The following KIRREL3 variants were observed in gnomAD, a reference collection of about 807,000 sequenced individuals.
The protein encoded by KIRREL3 is kin of IRRE-like protein 3.
In KIRREL3, 36 loss-of-function variants were observed where a neutral mutation model predicts 89.7. That is an observed-to-expected ratio of 0.40 (90% CI 0.31 to 0.53). The LOEUF (loss-of-function observed/expected upper bound fraction) is 0.53. KIRREL3 is among the 20% of genes least tolerant of loss of function. KIRREL3 has a pLI of 0.49. For missense variants in KIRREL3, 864 were observed against 1,056.6 expected, an observed-to-expected ratio of 0.82 and a Z score of 2.53; for synonymous variants, 445 against 441.4, an observed-to-expected ratio of 1.01 and a Z score of -0.10.
Position 126,571,176 on chromosome 11 carries a change from C to G in KIRREL3, c.56-8264G>C, listed in dbSNP as rs558486601. Among the ~76,000 whole-genome samples, 1 of 152,334 alleles carries G rather than the reference C, an allele frequency of 6.6e-6. No homozygotes were observed. Among genetic ancestry groups the G allele is most frequent in the South Asian group, 2.1e-4 (1 of 4,826 alleles). Reference sequence around the variant, plus strand: ...TCGGAGTCTCAGCCCTTTGGGCTGGCTTTTTGATACCTTGCCTAGCTCTTA... The same window carrying G: ...TCGGAGTCTCAGCCCTTTGGGCTGGGTTTTTGATACCTTGCCTAGCTCTTA... On this transcript the variant is annotated intron_variant, in intron 1 of 16. Transcript: ENST00000525144. The surrounding 1 kb of genome is among the most constrained non-coding windows in gnomAD (Gnocchi z 7.7).
chr11:126,580,836 GTTTTTTT>G (rs58691243), intron 1 of KIRREL3, among the ~76,000 whole-genome samples: 1 of 140,812 alleles, frequency 7.1e-6, no homozygotes, highest in East Asian at 2.1e-4. Context: ...GGAATTTCCT[GTTTTTTT>G]TTTTTTTTTC....
intron 1 of KIRREL3, among the ~76,000 whole-genome samples, chr11:126,823,102 A>G (rs12286847): frequency 0.036 from 5,414 of 152,256 alleles, 116 homozygotes; most frequent in African/African-American, 0.057. Flanking sequence ...GATGTGAGAG[A>G]CTAAACGGTC....
At chr11:126,473,591 G>A (rs754459304) in intron 4 of KIRREL3, 125 bp from the exon 5 acceptor site, 13 of 784,920 alleles carry the variant, frequency 1.7e-5, no homozygotes, top group East Asian at 2.8e-5. Flanking sequence ...AAAACGCATC[G>A]TCCGCTTGTA....
chr11:126,842,134 C>A lies in KIRREL3; in HGVS notation c.55+158321G>T, dbSNP rs540148184. Among the ~76,000 whole-genome samples, 265 of 152,090 alleles carry A rather than the reference C, an allele frequency of 1.7e-3. 2 individuals carry two copies. The highest frequency in any genetic ancestry group is 3.4e-3 in the Middle Eastern group (1 of 294). The stretch of plus-strand genomic sequence containing the variant: ...GAGGTGGTGAGGAGGGAAGGGGAGC[C>A]GCTGAGCCTGCCTGTGAGTGGTTGC... On this transcript the variant is annotated intron_variant, in intron 1 of 16. Transcript: ENST00000525144.
chr11:126,660,568 A>G (rs571292404), intron 1 of KIRREL3, among the ~76,000 whole-genome samples: 34 of 152,320 alleles, frequency 2.2e-4, no homozygotes, highest in Admixed American at 3.9e-4. Context: ...CATTGCCTGT[A>G]TAATACAGGC....
intron 1 of KIRREL3, among the ~76,000 whole-genome samples, chr11:126,937,924 C>G (rs920071862): frequency 6.6e-6 from 1 of 151,996 alleles, no homozygotes; most frequent in Non-Finnish European, 1.5e-5. Context: ...AAAAAAAACC[C>G]ACAGCAGTCA....
chr11:126,861,789 G>A (rs1018517426), intron 1 of KIRREL3, among the ~76,000 whole-genome samples: 5 of 152,232 alleles, frequency 3.3e-5, no homozygotes, highest in African/African-American at 1.2e-4. Flanking sequence ...ATCTGAAGTG[G>A]AGTGTGGACT....
At position 126,555,415 on chromosome 11, in the gene KIRREL3, G is replaced by A. The variant is rs191165513; in HGVS notation, c.133+7420C>T. ...CTCAGAGCTCTGAAAGGAAGGATCT[G>A]GTTCTACGGGAGCATGTGACACAGG... On this transcript the variant is annotated intron_variant, in intron 2 of 16. Transcript: ENST00000525144. This position sits in a 1 kb window ranked among gnomAD's most constrained non-coding sequence, Gnocchi z 4.2. Among the ~76,000 whole-genome samples, 139 of 152,332 alleles carry A rather than the reference G, an allele frequency of 9.1e-4. No homozygotes were observed. The highest frequency in any genetic ancestry group is 2.7e-3 in the Admixed American group (42 of 15,308).
Position 126,578,259 on chromosome 11 carries a change from G to C in KIRREL3, c.56-15347C>G, listed in dbSNP as rs1158876944. On this transcript the variant is annotated intron_variant, in intron 1 of 16. Coordinates refer to ENST00000525144, the MANE Select transcript of KIRREL3 (RefSeq NM_032531.4). The surrounding 1 kb of genome is among the most constrained non-coding windows in gnomAD (Gnocchi z 4.9). ...CTGGGATGCTTGCAGCCCAGGAAAT[G>C]CTCCCTCCCTCTCCCCTCCAGCTTC... Among the ~76,000 whole-genome samples the C allele has an allele frequency of 6.6e-6, 1 of 152,130 alleles. No homozygotes were observed. Among genetic ancestry groups the C allele is most frequent in the Non-Finnish European group, 1.5e-5 (1 of 68,026 alleles).
At position 126,668,931 on chromosome 11, in the gene KIRREL3, A is replaced by G. The variant is rs1945811794; in HGVS notation, c.56-106019T>C. Among the ~76,000 whole-genome samples, 1 of 151,872 alleles carries G rather than the reference A, an allele frequency of 6.6e-6. No individual in the cohort carries two copies. Among genetic ancestry groups the G allele is most frequent in the Middle Eastern group, 3.4e-3 (1 of 294 alleles). On this transcript the variant is annotated intron_variant, in intron 1 of 16. Transcript: ENST00000525144. The surrounding 1 kb of genome is among the most constrained non-coding windows in gnomAD (Gnocchi z 4.4). Reference sequence around the variant, plus strand: ...AATTTGAGCCGTTCCTTTCCTGCCTATGTTGGGGTGCTGGGTACTGACAGT... The same window carrying G: ...AATTTGAGCCGTTCCTTTCCTGCCTGTGTTGGGGTGCTGGGTACTGACAGT...
Position 126,990,608 on chromosome 11 carries a change from A to AGT in KIRREL3, c.55+9845_55+9846dup, listed in dbSNP as rs945041912. Among the ~76,000 whole-genome samples the AGT allele has an allele frequency of 6.6e-6, 1 of 152,188 alleles. No individual in the cohort carries two copies. Among genetic ancestry groups the AGT allele is most frequent in the Admixed American group, 6.5e-5 (1 of 15,282 alleles). Reference sequence around the variant, plus strand: ...TTCACCTGGCGTCAGGGCCCAAAATAGTGCCCCAGCTCTTGGTGCGGCTTC... The same window carrying AGT: ...TTCACCTGGCGTCAGGGCCCAAAATAGTGTGCCCCAGCTCTTGGTGCGGCTTC... On this transcript the variant is annotated intron_variant, in intron 1 of 16. Transcript: ENST00000525144. The surrounding 1 kb of genome is among the most constrained non-coding windows in gnomAD (Gnocchi z 6.3).
At position 126,682,757 on chromosome 11, in the gene KIRREL3, T is replaced by C. The variant is rs926597783; in HGVS notation, c.56-119845A>G. Among the ~76,000 whole-genome samples, 27 of 152,118 alleles carry C rather than the reference T, an allele frequency of 1.8e-4. No individual in the cohort carries two copies. Among genetic ancestry groups the C allele is most frequent in the African/African-American group, 5.1e-4 (21 of 41,424 alleles). Reference sequence around the variant, plus strand: ...GGTGCTCCTAGGAGAATCTAACGCCTCTGCTGATCTGACAGGAGGCAGAGT... The same window carrying C: ...GGTGCTCCTAGGAGAATCTAACGCCCCTGCTGATCTGACAGGAGGCAGAGT... On this transcript the variant is annotated intron_variant, in intron 1 of 16. Coordinates refer to ENST00000525144, the MANE Select transcript of KIRREL3 (RefSeq NM_032531.4). This position sits in a 1 kb window ranked among gnomAD's most constrained non-coding sequence, Gnocchi z 4.8.
intron 1 of KIRREL3, among the ~76,000 whole-genome samples, chr11:126,721,328 C>T (rs534736392): frequency 4.6e-5 from 7 of 152,050 alleles, no homozygotes; most frequent in South Asian, 2.1e-4. Context: ...GTCGGGAGTT[C>T]GAGACCAGCT....
chr11:126,882,673 C>T (rs1020028266), intron 1 of KIRREL3, among the ~76,000 whole-genome samples: 2 of 152,204 alleles, frequency 1.3e-5, no homozygotes, highest in Non-Finnish European at 2.9e-5. Flanking sequence ...AGGCAAGAGC[C>T]GATCTTTGAC....
At chr11:126,857,756 C>A (rs558019665) in intron 1 of KIRREL3, among the ~76,000 whole-genome samples, 1 of 101,330 alleles carries the variant, frequency 9.9e-6, no homozygotes, top group South Asian at 3.8e-4. Flanking sequence ...TCAGCCAATG[C>A]GTGTGGGAGA....
rs77367450 is a variant in KIRREL3, at chr11:126,636,300, C to T, written c.56-73388G>A. 3.0e-3 allele frequency among the ~76,000 whole-genome samples: 450 copies of T among 152,140 alleles called. 2 individuals are homozygous for T. Among genetic ancestry groups the T allele is most frequent in the Non-Finnish European group, 5.2e-3 (353 of 68,008 alleles). ...TTGAGCTAGTTGTGTTTGCTTGCTA[C>T]GGAGGAAATACCCATTTCAAAGAAT... On this transcript the variant is annotated intron_variant, in intron 1 of 16. Transcript: ENST00000525144. This position sits in a 1 kb window ranked among gnomAD's most constrained non-coding sequence, Gnocchi z 4.4.
Position 126,764,224 on chromosome 11 carries a change from G to A in KIRREL3, c.56-201312C>T, listed in dbSNP as rs1949749399. On this transcript the variant is annotated intron_variant, in intron 1 of 16. Coordinates refer to ENST00000525144, the MANE Select transcript of KIRREL3 (RefSeq NM_032531.4). This position sits in a 1 kb window ranked among gnomAD's most constrained non-coding sequence, Gnocchi z 4.2. ...CTCAGTTTTTCCTGGAAAGGCATCA[G>A]ACAGCAGGTCGCTCTGGTCAATGGG... Among the ~76,000 whole-genome samples the A allele has an allele frequency of 6.6e-6, 1 of 152,170 alleles. No homozygotes were observed. Among genetic ancestry groups the A allele is most frequent in the Non-Finnish European group, 1.5e-5 (1 of 68,034 alleles).
intron 1 of KIRREL3, among the ~76,000 whole-genome samples, chr11:126,855,114 C>T (rs969876788): frequency 1.3e-5 from 2 of 152,182 alleles, no homozygotes; most frequent in Non-Finnish European, 2.9e-5. Context: ...GTTAGATTGG[C>T]TGTCAGAGAA....
At chr11:126,998,956 T>C (rs11220697) in intron 1 of KIRREL3, among the ~76,000 whole-genome samples, 124 of 120,680 alleles carry the variant, frequency 1.0e-3, no homozygotes, top group Middle Eastern at 0.011. Flanking sequence ...TGTGTGTGTG[T>C]GCTCATAAGC....
Sources: allele counts gnomAD v4.1 joint callset (sites outside exome capture counted in the v4.1 genomes callset), GRCh38; gene constraint gnomAD v4.1.1; non-coding constraint Gnocchi (gnomAD v3.1); transcripts MANE v1.5; gene names NCBI Gene and HGNC (gene_info 2026-07-23, HGNC 2026-07-21).